The following PTAR1 variants were observed in gnomAD, a reference collection of about 807,000 sequenced individuals.
The protein encoded by PTAR1 is protein prenyltransferase alpha subunit repeat-containing protein 1.
PTAR1 carries 17 observed loss-of-function variants against 45.5 expected under a neutral mutation model. The observed-to-expected ratio is 0.37, with a 90% CI of 0.26 to 0.56. The LOEUF (loss-of-function observed/expected upper bound fraction) is 0.56, where lower values mean the gene tolerates loss of function less well. Among genes scored for constraint, PTAR1 ranks in the 20% least tolerant of loss-of-function variants. The pLI is 0.77. For synonymous variants in PTAR1, 169 were observed against 171.3 expected (o/e 0.99, Z 0.11); for missense variants, 391 against 476.3 (o/e 0.82, Z 1.67).
intron 5 of PTAR1, among the ~76,000 whole-genome samples, chr9:69,727,803 AT>A (rs1395535234): frequency 6.4e-5 from 9 of 141,524 alleles, no homozygotes; most frequent in African/African-American, 2.2e-4. Context: ...TTCCTCAGCT[AT>A]TCTTTAAGCT....
chr9:69,751,040 CAT>C, intron 1 of PTAR1, 90 bp from the exon 2 acceptor site: 1 of 876,278 alleles, frequency 1.1e-6, no homozygotes. Context: ...AAAAACCCCA[CAT>C]ATTTCCCCCT....
At position 69,715,607 on chromosome 9, in the gene PTAR1, T is replaced by G. The variant is rs1824698609; in HGVS notation, c.*2735A>C. On this transcript the variant is annotated 3_prime_UTR_variant, in exon 8 of 8. Coordinates refer to ENST00000340434, the MANE Select transcript of PTAR1 (RefSeq NM_001099666.2). ...CAGTGAAAGTTTAATGAAATATGTG[T>G]CAATAAGCCATCTTTTCCTTTTAAC... is the stretch of plus-strand genomic sequence containing the variant. 1 of 152,086 alleles carries G rather than the reference T, an allele frequency of 6.6e-6. No individual in the cohort carries two copies. The highest frequency in any genetic ancestry group is 2.1e-4 in the South Asian group (1 of 4,832). 9.4% of individuals were successfully genotyped at this position (152,086 alleles called of 1,614,324 possible).
rs1408217664 is a variant in PTAR1, at chr9:69,718,182, A to G, written c.*160T>C. ...ATCCCCACAGGAATGCCAGTTATTA[A>G]CAAAATAAATAAAATGAAAGATTTA... On this transcript the variant is annotated 3_prime_UTR_variant, in exon 8 of 8. Coordinates refer to ENST00000340434, the MANE Select transcript of PTAR1 (RefSeq NM_001099666.2). 2 of 530,590 alleles carry G rather than the reference A, an allele frequency of 3.8e-6. No homozygotes were observed. Among genetic ancestry groups the G allele is most frequent in the South Asian group, 3.6e-5 (1 of 27,994 alleles). The allele number at this position is 530,590 out of a possible 1,614,324, so 32.9% of individuals were successfully genotyped here.
chr9:69,754,263 A>G (rs955328336), intron 1 of PTAR1, among the ~76,000 whole-genome samples: 1 of 152,116 alleles, frequency 6.6e-6, no homozygotes, highest in African/African-American at 2.4e-5. Flanking sequence ...AAACTGAGGT[A>G]CAGTGAGGTT....
At chr9:69,754,385 T>A (rs1451837822) in intron 1 of PTAR1, among the ~76,000 whole-genome samples, 2 of 152,036 alleles carry the variant, frequency 1.3e-5, no homozygotes, top group Admixed American at 1.3e-4. Flanking sequence ...AGGATTTAGA[T>A]CAATTCCTTC....
chr9:69,759,786 T>TGGACGCTTGGGACGCTTG (rs3831183), intron 1 of PTAR1, 67 bp downstream of exon 1: 195 of 1,445,268 alleles, frequency 1.3e-4, no homozygotes, highest in Non-Finnish European at 1.8e-4. Context: ...CGAGGTCGGG[T>TGGACGCTTGGGACGCTTG]GGACGCTTGG....
rs1255901888 is a variant in PTAR1, at chr9:69,716,578, C to G, written c.*1764G>C. ...TTTCTTCTTCTTTAAGGCAGTCTAC[C>G]TAACTCAAGTCCAGGCTTTCCGTAA... On this transcript the variant is annotated 3_prime_UTR_variant, in exon 8 of 8. Transcript: ENST00000340434. 6.6e-6 allele frequency: 1 copy of G among 152,002 alleles called. No homozygotes were observed. The highest frequency in any genetic ancestry group is 6.6e-5 in the Admixed American group (1 of 15,244). 9.4% of individuals were successfully genotyped at this position (152,002 alleles called of 1,614,324 possible).
At chr9:69,751,596 A>T (rs927535187) in intron 1 of PTAR1, among the ~76,000 whole-genome samples, 12 of 152,084 alleles carry the variant, frequency 7.9e-5, no homozygotes, top group African/African-American at 2.9e-4. Flanking sequence ...ATTTTTATAC[A>T]GTTTCAATTA....
At chr9:69,723,015 A>C (rs1588445858) in intron 6 of PTAR1, among the ~76,000 whole-genome samples, 1 of 151,376 alleles carries the variant, frequency 6.6e-6, no homozygotes, top group Middle Eastern at 3.4e-3. Flanking sequence ...CCAAGGAAGG[A>C]GTCAAAAAAA....
At position 69,714,072 on chromosome 9, in the gene PTAR1, G is replaced by A. The variant is rs1285932760; in HGVS notation, c.*4270C>T. On this transcript the variant is annotated 3_prime_UTR_variant, in exon 8 of 8. Transcript: ENST00000340434. The stretch of plus-strand genomic sequence containing the variant: ...TATGTGACAATAAGGAATTCTTAGG[G>A]TTGATTTTTCTTCATTAACTTCTCA... 2.0e-5 allele frequency: 3 copies of A among 152,010 alleles called. No homozygotes were observed. Among genetic ancestry groups the A allele is most frequent in the African/African-American group, 7.2e-5 (3 of 41,386 alleles). 9.4% of individuals were successfully genotyped at this position (152,010 alleles called of 1,614,324 possible).
At chr9:69,731,388 C>A (rs1004010247) in intron 5 of PTAR1, among the ~76,000 whole-genome samples, 2 of 152,048 alleles carry the variant, frequency 1.3e-5, no homozygotes, top group Non-Finnish European at 2.9e-5. Flanking sequence ...CACTGTGACG[C>A]CATCAGAAAA....
chr9:69,756,446 C>T (rs1826780739), intron 1 of PTAR1, among the ~76,000 whole-genome samples: 1 of 152,142 alleles, frequency 6.6e-6, no homozygotes, highest in Admixed American at 6.5e-5. Flanking sequence ...CATTAAACCA[C>T]CCAGTTTTTA....
At chr9:69,755,195 G>A (rs1026922659) in intron 1 of PTAR1, among the ~76,000 whole-genome samples, 1 of 152,174 alleles carries the variant, frequency 6.6e-6, no homozygotes, top group Admixed American at 6.5e-5. Context: ...GTTTGGGACA[G>A]CAATCAAGTT....
intron 2 of PTAR1, among the ~76,000 whole-genome samples, chr9:69,746,302 G>T (rs1980934): frequency 6.6e-6 from 1 of 152,108 alleles, no homozygotes; most frequent in Non-Finnish European, 1.5e-5. Flanking sequence ...TGTGGAAATA[G>T]GAAGAAAGAG....
At chr9:69,754,807 G>A (rs1330600017) in intron 1 of PTAR1, among the ~76,000 whole-genome samples, 2 of 151,398 alleles carry the variant, frequency 1.3e-5, no homozygotes, top group Non-Finnish European at 2.9e-5. Context: ...CTCCCACTGA[G>A]CCTCCCAAAG....
At chr9:69,759,702 C>A (rs915016154) in intron 1 of PTAR1, 151 bp downstream of exon 1, 4 of 703,034 alleles carry the variant, frequency 5.7e-6, no homozygotes, top group Non-Finnish European at 8.5e-6. Context: ...CGGCCGACAA[C>A]GGTCCCGCCC....
chr9:69,732,875 C>A (rs879471459), intron 4 of PTAR1, among the ~76,000 whole-genome samples: 1 of 152,160 alleles, frequency 6.6e-6, no homozygotes, highest in Non-Finnish European at 1.5e-5. Context: ...AAATATAATT[C>A]ATTAAACCAT....
chr9:69,746,270 G>GAA lies in PTAR1; in HGVS notation c.257-4413_257-4412insTT, dbSNP rs1173709614. Among the ~76,000 whole-genome samples, 3 of 152,212 alleles carry GAA rather than the reference G, an allele frequency of 2.0e-5. No individual in the cohort carries two copies. The East Asian group carries it at 5.8e-4, about 29-fold the overall frequency. On this transcript the variant is annotated intron_variant, in intron 2 of 7. Transcript: ENST00000340434. ...CCTCACAACAACCCTCTGAGGTCTTGATTAGTATTTCCTTCTTTTGGTGTG... is the reference window on the plus strand; with the variant it reads ...CCTCACAACAACCCTCTGAGGTCTTGAAATTAGTATTTCCTTCTTTTGGTGTG...
At chr9:69,726,316 A>T (rs1344832357) in intron 5 of PTAR1, among the ~76,000 whole-genome samples, 1 of 152,122 alleles carries the variant, frequency 6.6e-6, no homozygotes, top group African/African-American at 2.4e-5. Flanking sequence ...ATTCTACTTC[A>T]ATTATAAATA....
Sources: allele counts gnomAD v4.1 joint callset (sites outside exome capture counted in the v4.1 genomes callset), GRCh38; gene constraint gnomAD v4.1.1; transcripts MANE v1.5; gene names NCBI Gene and HGNC (gene_info 2026-07-23, HGNC 2026-07-21).